Variants in ALDH1A1 observed in about 807,000 individuals in gnomAD.
ALDH1A1 encodes aldehyde dehydrogenase 1A1.
ALDH1A1 carries 19 observed loss-of-function variants against 62.1 expected under a neutral mutation model. The ratio of observed to expected loss-of-function variants is 0.31; its 90% CI spans 0.21 to 0.45. ALDH1A1 has a LOEUF of 0.45. Among genes scored for constraint, ALDH1A1 ranks in the 20% least tolerant of loss-of-function variants. The pLI, the probability that ALDH1A1 is intolerant of heterozygous loss-of-function variation, is 1.00. For synonymous variants in ALDH1A1, 231 were observed against 215.9 expected, an observed-to-expected ratio of 1.07 and a Z score of -0.61; for missense variants, 521 against 607.1, an observed-to-expected ratio of 0.86 and a Z score of 1.49.
At chr9:72,909,808 A>G in intron 10 of ALDH1A1, 49 bp from the exon 11 acceptor site, 1 of 1,455,956 alleles carries the variant, frequency 6.9e-7, no homozygotes, top group East Asian at 2.4e-5. Context: ...AAAATGAAAT[A>G]TTTTAAATGA....
At chr9:72,945,107 T>C (rs1025337860) in intron 1 of ALDH1A1, among the ~76,000 whole-genome samples, 35 of 152,152 alleles carry the variant, frequency 2.3e-4, no homozygotes, top group Admixed American at 2.3e-3. Context: ...GAGTAAAAGT[T>C]ATTATGTCTT....
At chr9:72,951,987 A>AAT (rs1830548357) in intron 1 of ALDH1A1, among the ~76,000 whole-genome samples, 1 of 151,988 alleles carries the variant, frequency 6.6e-6, no homozygotes. Context: ...TGAGGAAATA[A>AAT]ATATATAACA....
At chr9:72,925,670 C>T (rs1285308361) in intron 5 of ALDH1A1, 58 bp from the exon 6 acceptor site, 3 of 1,570,596 alleles carry the variant, frequency 1.9e-6, no homozygotes, top group African/African-American at 2.7e-5. Context: ...ATTTGCTAAT[C>T]CAACTTCCAT....
chr9:72,913,644 C>T (rs756837934), intron 9 of ALDH1A1, among the ~76,000 whole-genome samples: 4 of 152,138 alleles, frequency 2.6e-5, no homozygotes, highest in African/African-American at 4.8e-5. Flanking sequence ...CAATCAAATC[C>T]CTGCATACAT....
intron 12 of ALDH1A1, 75 bp from the exon 13 acceptor site, chr9:72,901,355 A>G: frequency 9.3e-7 from 1 of 1,071,230 alleles, no homozygotes; most frequent in Admixed American, 1.8e-5. Context: ...CATGTTTGGT[A>G]CGAGTTTGTT....
intron 11 of ALDH1A1, among the ~76,000 whole-genome samples, chr9:72,907,892 T>TC (rs1285119715): frequency 6.6e-6 from 1 of 152,200 alleles, no homozygotes. Flanking sequence ...TACCGACTAT[T>TC]CAAGAAGAAC....
Position 72,915,839 on chromosome 9 carries a change from T to C in ALDH1A1, c.1035+1081A>G, listed in dbSNP as rs571102873. Among the ~76,000 whole-genome samples the C allele has an allele frequency of 3.3e-5, 5 of 152,344 alleles. No individual in the cohort carries two copies. In the East Asian group the frequency reaches 7.7e-4, roughly 23 times the overall value. ...GGTACCCATCTCAAGTTTTAGCTGATAGCAACGTTCACTAACTTTTAGTTA... is the reference window on the plus strand; with the variant it reads ...GGTACCCATCTCAAGTTTTAGCTGACAGCAACGTTCACTAACTTTTAGTTA... On this transcript the variant is annotated intron_variant, in intron 9 of 12. Transcript: ENST00000297785.
intron 1 of ALDH1A1, among the ~76,000 whole-genome samples, chr9:72,941,355 G>T (rs983078758): frequency 2.6e-5 from 4 of 152,060 alleles, no homozygotes; most frequent in African/African-American, 9.7e-5. Flanking sequence ...ATTCCCCGGT[G>T]ATCACTAGCA....
At chr9:72,950,017 G>A (rs1830524890) in intron 1 of ALDH1A1, among the ~76,000 whole-genome samples, 1 of 151,684 alleles carries the variant, frequency 6.6e-6, no homozygotes, top group South Asian at 2.1e-4. Flanking sequence ...AAAAAAGAGT[G>A]ACAGAAAAGC....
At chr9:72,906,097 A>T in intron 11 of ALDH1A1, 65 bp from the exon 12 acceptor site, 10 of 1,294,102 alleles carry the variant, frequency 7.7e-6, no homozygotes, top group Non-Finnish European at 9.7e-6. Context: ...CCTTTTTGGC[A>T]GTTTTAGAAA....
intron 2 of ALDH1A1, 21 bp from the exon 3 acceptor site, chr9:72,931,040 A>G (rs759699778): frequency 1.9e-6 from 3 of 1,613,758 alleles, no homozygotes; most frequent in Non-Finnish European, 2.5e-6. Flanking sequence ...ACAGGAATTC[A>G]ATTCAGTAAG....
At chr9:72,912,156 GT>G (rs771135777) in intron 9 of ALDH1A1, 34 bp from the exon 10 acceptor site, 69 of 1,581,232 alleles carry the variant, frequency 4.4e-5, no homozygotes, top group Non-Finnish European at 5.5e-5. Context: ...AAGAAAAAAA[GT>G]AGTCACTTGT....
At chr9:72,922,191 T>C (rs1469966973) in intron 7 of ALDH1A1, among the ~76,000 whole-genome samples, 1 of 152,196 alleles carries the variant, frequency 6.6e-6, no homozygotes, top group Non-Finnish European at 1.5e-5. Flanking sequence ...TTACTACTCA[T>C]TAGCTCATTT....
At chr9:72,910,681 T>A (rs1296937962) in intron 10 of ALDH1A1, among the ~76,000 whole-genome samples, 1 of 152,106 alleles carries the variant, frequency 6.6e-6, no homozygotes, top group Non-Finnish European at 1.5e-5. Flanking sequence ...TTCCTGAAAT[T>A]ACCAGAATTT....
At chr9:72,923,374 A>G (rs1830165537) in intron 7 of ALDH1A1, among the ~76,000 whole-genome samples, 1 of 152,180 alleles carries the variant, frequency 6.6e-6, no homozygotes, top group Non-Finnish European at 1.5e-5. Flanking sequence ...TTTGCATGGT[A>G]CAGTATGCTT....
At chr9:72,926,582 A>T (rs996585366) in intron 5 of ALDH1A1, among the ~76,000 whole-genome samples, 2 of 152,216 alleles carry the variant, frequency 1.3e-5, no homozygotes, top group African/African-American at 4.8e-5. Flanking sequence ...TCTTATCTAA[A>T]GGTAAAATAT....
intron 2 of ALDH1A1, among the ~76,000 whole-genome samples, chr9:72,935,012 G>C (rs1323543658): frequency 2.6e-5 from 4 of 151,944 alleles, no homozygotes; most frequent in African/African-American, 7.3e-5. Flanking sequence ...AATAAATTTT[G>C]AATAATTTGG....
At chr9:72,921,338 G>C (rs1175036145) in intron 7 of ALDH1A1, among the ~76,000 whole-genome samples, 1 of 151,610 alleles carries the variant, frequency 6.6e-6, no homozygotes, top group African/African-American at 2.4e-5. Flanking sequence ...TCTATTGTTT[G>C]CCTCTTTCAT....
intron 1 of ALDH1A1, among the ~76,000 whole-genome samples, chr9:72,950,026 G>A (rs1830525071): frequency 6.6e-6 from 1 of 151,662 alleles, no homozygotes; most frequent in Admixed American, 6.6e-5. Context: ...TGACAGAAAA[G>A]CTAGGAGAAG....
Sources: allele counts gnomAD v4.1 joint callset (sites outside exome capture counted in the v4.1 genomes callset), GRCh38; gene constraint gnomAD v4.1.1; transcripts MANE v1.5; gene names NCBI Gene and HGNC (gene_info 2026-07-23, HGNC 2026-07-21).